The following FAM228A variants were observed in gnomAD, a reference collection of about 807,000 sequenced individuals.
The protein encoded by FAM228A is family with sequence similarity 228 member A.
In FAM228A, 13 loss-of-function variants were observed where a neutral mutation model predicts 18.6. The ratio of observed to expected loss-of-function variants is 0.70; its 90% CI spans 0.45 to 1.11. The LOEUF (loss-of-function observed/expected upper bound fraction) is 1.11. FAM228A is among the 50% of genes least tolerant of loss of function. The probability of loss-of-function intolerance (pLI) is 0.00; values close to 1 mark genes in which losing one functional copy is unlikely to be tolerated. For synonymous variants in FAM228A, 77 were observed against 86.6 expected (o/e 0.89, Z 0.61); for missense variants, 240 against 242.2 (o/e 0.99, Z 0.06).
chr2:24,178,520 A>G (rs1667745345), intron 3 of FAM228A, among the ~76,000 whole-genome samples: 1 of 152,114 alleles, frequency 6.6e-6, no homozygotes, highest in Non-Finnish European at 1.5e-5. Flanking sequence ...GCTGTAGTGA[A>G]CTGTGATCAT....
At chr2:24,175,435 C>G (rs772387377) in intron 1 of FAM228A, 32 bp from the exon 2 acceptor site, 1 of 1,496,426 alleles carries the variant, frequency 6.7e-7, no homozygotes, top group South Asian at 1.1e-5. Context: ...TAACCGTCTT[C>G]CTCAGCCTCA....
rs769502114 is a variant in FAM228A, at chr2:24,183,389, G to A, written c.250+17G>A. ...GTGAGACAGGTGCTTTGTGATCACT[G>A]GGCCTCATTTTTTTGAGACTGCTAA... is the stretch of plus-strand genomic sequence containing the variant. On this transcript the variant is annotated intron_variant, in intron 4 of 5. Transcript: ENST00000295150. 8 of 1,611,780 alleles carry A rather than the reference G, an allele frequency of 5.0e-6. No individual in the cohort carries two copies. The highest frequency in any genetic ancestry group is 1.1e-5 in the South Asian group (1 of 91,012).
intron 3 of FAM228A, among the ~76,000 whole-genome samples, chr2:24,181,722 A>C (rs1177907966): frequency 1.3e-5 from 2 of 152,188 alleles, no homozygotes; most frequent in Non-Finnish European, 2.9e-5. Flanking sequence ...AAACCAAATT[A>C]TGGAAAGGTA....
intron 5 of FAM228A, among the ~76,000 whole-genome samples, chr2:24,187,320 A>G (rs1242469358): frequency 6.6e-6 from 1 of 152,216 alleles, no homozygotes; most frequent in Non-Finnish European, 1.5e-5. Context: ...TTCACAGCAG[A>G]CGTGAGTGGA....
chr2:24,183,331 A>G lies in FAM228A; in HGVS notation c.209A>G (p.Glu70Gly). 6.2e-7 allele frequency: 1 copy of G among 1,614,054 alleles called. No homozygotes were observed. The highest frequency in any genetic ancestry group is 1.1e-5 in the South Asian group (1 of 91,078). Residue 70 changes from glutamate to glycine, a missense_variant, in exon 4 of 6, where the codon GAG becomes GGG. By Grantham distance (98) the Glu-to-Gly change is moderately conservative. Coordinates refer to ENST00000295150, the MANE Select transcript of FAM228A (RefSeq NM_001040710.3). ...FVDPLFQRQQ[E>G]VDEERRTGLQ... ...GATCCTCTGTTTCAAAGACAGCAAG[A>G]GGTGGATGAAGAGAGGAGAACTGGT... is the stretch of plus-strand genomic sequence containing the variant.
At chr2:24,188,660 T>G in intron 5 of FAM228A, 1 of 985,330 alleles carries the variant, frequency 1.0e-6, no homozygotes, top group Non-Finnish European at 1.2e-6. Flanking sequence ...GGTGACCTGG[T>G]ACTTGAAATG....
chr2:24,176,081 T>C (rs1186235977), intron 2 of FAM228A: 23 of 985,330 alleles, frequency 2.3e-5, no homozygotes, highest in Admixed American at 6.1e-5. Context: ...CTTTTCCTTA[T>C]ATTTCCTGGC....
rs1390468673 is a variant in FAM228A at position 24,190,398 on chromosome 2, G to A, written c.402-14G>A. On this transcript the variant is annotated splice_polypyrimidine_tract_variant and intron_variant, in intron 5 of 5. Coordinates refer to ENST00000295150, the MANE Select transcript of FAM228A (RefSeq NM_001040710.3). ...GTGCTGAATCGAGACAATTTTTTCT[G>A]CTTTTCTTCACAGTCCTGAAAAGCT... 3 of 1,579,986 alleles carry A rather than the reference G, an allele frequency of 1.9e-6. No individual in the cohort carries two copies. Among genetic ancestry groups the A allele is most frequent in the Non-Finnish European group, 2.6e-6 (3 of 1,166,474 alleles).
chr2:24,182,113 C>T (rs1380426674), intron 3 of FAM228A, among the ~76,000 whole-genome samples: 1 of 152,156 alleles, frequency 6.6e-6, no homozygotes, highest in Non-Finnish European at 1.5e-5. Flanking sequence ...GCACAGGCTG[C>T]CCGGGAGAGC....
chr2:24,190,708 A>T lies in FAM228A; in HGVS notation c.*77A>T. On this transcript the variant is annotated 3_prime_UTR_variant, in exon 6 of 6. Transcript: ENST00000295150. ...ATGGCCCAAGAAGAAGGGTGTGAAG[A>T]GGAGGAGGGAGAAATGGCGGTGGCC... is the stretch of plus-strand genomic sequence containing the variant. 6.9e-7 allele frequency: 1 copy of T among 1,450,422 alleles called. No homozygotes were observed. Among genetic ancestry groups the T allele is most frequent in the East Asian group, 2.5e-5 (1 of 40,516 alleles). 89.8% of individuals were successfully genotyped at this position (1,450,422 alleles called of 1,614,324 possible).
chr2:24,187,507 A>G (rs1473843560), intron 5 of FAM228A, among the ~76,000 whole-genome samples: 1 of 152,240 alleles, frequency 6.6e-6, no homozygotes, highest in African/African-American at 2.4e-5. Context: ...CAAATGTACA[A>G]TGACATGTAT....
intron 3 of FAM228A, among the ~76,000 whole-genome samples, chr2:24,178,496 C>G (rs1360034708): frequency 6.6e-6 from 1 of 152,130 alleles, no homozygotes; most frequent in Non-Finnish European, 1.5e-5. Flanking sequence ...ATTGCTTGAG[C>G]TCAGGAGGTT....
chr2:24,180,581 A>G (rs1667793846), intron 3 of FAM228A, among the ~76,000 whole-genome samples: 1 of 152,200 alleles, frequency 6.6e-6, no homozygotes. Context: ...CCAAAGTGCA[A>G]AGTCTTATAT....
Position 24,190,990 on chromosome 2 carries a change from C to G in FAM228A, c.*359C>G, listed in dbSNP as rs1668071693. On this transcript the variant is annotated 3_prime_UTR_variant, in exon 6 of 6. Transcript: ENST00000295150. ...TCCAAACTGCACCAAAGATGGTGTTCTCCTTAGTCCACACACAACTGGTGG... is the reference window on the plus strand; with the variant it reads ...TCCAAACTGCACCAAAGATGGTGTTGTCCTTAGTCCACACACAACTGGTGG... The G allele has an allele frequency of 1.9e-6, 2 of 1,027,314 alleles. No homozygotes were observed. The highest frequency in any genetic ancestry group is 2.3e-6 in the Non-Finnish European group (2 of 857,596). 63.6% of individuals were successfully genotyped at this position (1,027,314 alleles called of 1,614,324 possible).
intron 3 of FAM228A, chr2:24,179,232 T>C: frequency 4.2e-6 from 4 of 949,544 alleles, no homozygotes; most frequent in Non-Finnish European, 5.4e-6. Flanking sequence ...GAAAAAGTAA[T>C]TTCATATAAA....
intron 5 of FAM228A, chr2:24,188,343 C>CGATGG (rs1299646103): frequency 1.2e-4 from 81 of 703,308 alleles, no homozygotes; most frequent in Non-Finnish European, 1.3e-4. Flanking sequence ...ATCAACCCAT[C>CGATGG]ATCTAAGTAT....
chr2:24,180,131 A>G (rs1221481512), intron 3 of FAM228A, among the ~76,000 whole-genome samples: 1 of 151,638 alleles, frequency 6.6e-6, no homozygotes, highest in African/African-American at 2.4e-5. Flanking sequence ...GCACTACTGG[A>G]TCTTTCTTAC....
intron 5 of FAM228A, among the ~76,000 whole-genome samples, chr2:24,187,497 C>T (rs1667977435): frequency 1.3e-5 from 2 of 152,204 alleles, no homozygotes; most frequent in Admixed American, 1.3e-4. Flanking sequence ...TGCGTTTTGA[C>T]AAATGTACAA....
chr2:24,182,570 T>C (rs1314133006), intron 3 of FAM228A, among the ~76,000 whole-genome samples: 1 of 152,074 alleles, frequency 6.6e-6, no homozygotes, highest in East Asian at 1.9e-4. Flanking sequence ...AACTCATAGC[T>C]CTGGTCACCT....
Sources: gnomAD v4.1 joint callset for allele counts (sites outside exome capture counted in the v4.1 genomes callset) on GRCh38, gnomAD v4.1.1 for gene constraint, MANE v1.5 for transcripts, NCBI Gene and HGNC (gene_info 2026-07-23, HGNC 2026-07-21) for gene names.